TNFRSF10A: variants seen among roughly 807,000 people sequenced by gnomAD.
TNFRSF10A encodes TNF receptor superfamily member 10a.
In TNFRSF10A, 44 loss-of-function variants were observed where a neutral mutation model predicts 42.8. The observed-to-expected ratio is 1.03, with a 90% CI of 0.81 to 1.32. TNFRSF10A has a LOEUF of 1.32. Among genes scored for constraint, TNFRSF10A ranks in the 40% most tolerant of loss-of-function variants. The pLI, the probability that TNFRSF10A is intolerant of heterozygous loss-of-function variation, is 0.00. For missense variants in TNFRSF10A, 680 were observed against 602.0 expected (o/e 1.13, Z -1.36); for synonymous variants, 259 against 234.2 (o/e 1.11, Z -0.97).
At chr8:23,222,661 G>T (rs141559980) in intron 1 of TNFRSF10A, among the ~76,000 whole-genome samples, 1 of 152,178 alleles carries the variant, frequency 6.6e-6, no homozygotes, top group East Asian at 1.9e-4. Flanking sequence ...TGTCTGCTAC[G>T]GGTCCTTTGT....
At chr8:23,199,675 T>G (rs1264963717) in intron 7 of TNFRSF10A, among the ~76,000 whole-genome samples, 2 of 152,080 alleles carry the variant, frequency 1.3e-5, no homozygotes, top group Non-Finnish European at 2.9e-5. Flanking sequence ...TCACCTGGGC[T>G]GTAGGAAGCA....
intron 3 of TNFRSF10A, among the ~76,000 whole-genome samples, chr8:23,202,364 C>G (rs1339591835): frequency 6.6e-6 from 1 of 152,144 alleles, no homozygotes; most frequent in East Asian, 1.9e-4. Flanking sequence ...CAGAGCAGAC[C>G]CGTACCACCG....
chr8:23,214,559 T>G (rs1488393795), intron 1 of TNFRSF10A, among the ~76,000 whole-genome samples: 2 of 152,210 alleles, frequency 1.3e-5, no homozygotes, highest in Non-Finnish European at 2.9e-5. Context: ...CCTTCTGCTA[T>G]TGATTTATAA....
In TNFRSF10A at chr8:23,191,947, CT is replaced by C. The variant is rs1168124971; in HGVS notation, c.1153del (p.Arg385GlyfsTer28). 6.2e-7 allele frequency: 1 copy of C among 1,614,216 alleles called. No homozygotes were observed. ...VPFDSWDQLM[R>X]QLDLTKNEID... ...CTCATTTTTCGTGAGGTCCAGCTGC[CT>C]CATGAGCTGGTCCCAGGAGTCAAAG... On this transcript the variant is annotated frameshift_variant, in exon 10 of 10. Transcript: ENST00000221132. LOFTEE classifies it low-confidence loss of function (END_TRUNC).
rs536076814 is a variant in TNFRSF10A at position 23,223,886 on chromosome 8, G to T, written c.306+870C>A. On this transcript the variant is annotated intron_variant, in intron 1 of 9. Coordinates refer to ENST00000221132, the MANE Select transcript of TNFRSF10A (RefSeq NM_003844.4). ...CCTGCCTCGTGGTGGTCAATTCGCT[G>T]CCCTGTACCTGTTGATGCGCAAGAA... 3.9e-5 allele frequency among the ~76,000 whole-genome samples: 6 copies of T among 152,338 alleles called. No homozygotes were observed. The East Asian group carries it at 1.2e-3, about 29-fold the overall frequency.
Position 23,199,360 on chromosome 8 carries a change from G to C in TNFRSF10A, c.920C>G (p.Ser307Cys). Residue 307 changes from serine to cysteine, a missense_variant, in exon 8 of 10, where the codon TCC becomes TGC. Coordinates refer to ENST00000221132, the MANE Select transcript of TNFRSF10A (RefSeq NM_003844.4). ...CATTTGCTGCTCAGAGACGAAAGTG[G>C]ACAGCGAGTCTGCGTTGCTCAGAAT... ...NEILSNADSLSTFVSEQQMES... is the reference protein window; with the variant it reads ...NEILSNADSLCTFVSEQQMES... 6.2e-7 allele frequency: 1 copy of C among 1,614,198 alleles called. No individual in the cohort carries two copies. Among genetic ancestry groups the C allele is most frequent in the Non-Finnish European group, 8.5e-7 (1 of 1,180,030 alleles).
In TNFRSF10A at chr8:23,224,195, G is replaced by C. The variant is rs529001198; in HGVS notation, c.306+561C>G. Among the ~76,000 whole-genome samples the C allele has an allele frequency of 1.5e-4, 23 of 151,688 alleles. No homozygotes were observed. The South Asian group carries it at 4.8e-3, about 32-fold the overall frequency. On this transcript the variant is annotated intron_variant, in intron 1 of 9. Coordinates refer to ENST00000221132, the MANE Select transcript of TNFRSF10A (RefSeq NM_003844.4). Reference sequence around the variant, plus strand: ...GGAGCCTGTACTCCCAGCTACTCGGGAGGCTGAGGCAGGAGAATCGCTTGA... The same window carrying C: ...GGAGCCTGTACTCCCAGCTACTCGGCAGGCTGAGGCAGGAGAATCGCTTGA...
chr8:23,214,381 G>C (rs1178440446), intron 1 of TNFRSF10A, among the ~76,000 whole-genome samples: 1 of 151,808 alleles, frequency 6.6e-6, no homozygotes. Flanking sequence ...CCAGCTACAC[G>C]GGAGGCTGAG....
chr8:23,207,011 T>G, intron 2 of TNFRSF10A: 1 of 409,316 alleles, frequency 2.4e-6, no homozygotes, highest in Non-Finnish European at 4.6e-6. Flanking sequence ...TAGAAAGGTG[T>G]CCACTGCCAT....
intron 6 of TNFRSF10A, 139 bp downstream of exon 6, chr8:23,200,366 G>A (rs1217872252): frequency 1.1e-6 from 1 of 915,280 alleles, no homozygotes; most frequent in South Asian, 1.5e-5. Flanking sequence ...ATGGGAGGAT[G>A]GGGGGTGATC....
At chr8:23,223,251 G>C in intron 1 of TNFRSF10A, among the ~76,000 whole-genome samples, 1 of 152,056 alleles carries the variant, frequency 6.6e-6, no homozygotes, top group East Asian at 1.9e-4. Context: ...ATTTTTAATA[G>C]AGACGGGGTT....
intron 9 of TNFRSF10A, among the ~76,000 whole-genome samples, chr8:23,194,087 A>G (rs570974922): frequency 6.6e-6 from 1 of 152,344 alleles, no homozygotes; most frequent in Non-Finnish European, 1.5e-5. Flanking sequence ...TCACTGAATT[A>G]TCTATTGGAG....
At chr8:23,207,655 G>T (rs1021009819) in intron 2 of TNFRSF10A, among the ~76,000 whole-genome samples, 5 of 152,118 alleles carry the variant, frequency 3.3e-5, no homozygotes, top group African/African-American at 9.7e-5. Context: ...AATCATGTGG[G>T]GCAGGTCTTT....
chr8:23,224,928 A>C lies in TNFRSF10A; in HGVS notation c.134T>G (p.Ile45Ser). ...SKVWGSSAGRIEPRGGGRGAL... is the reference protein window; with the variant it reads ...SKVWGSSAGRSEPRGGGRGAL... ...TCCTCGGCCCCCGCCTCGTGGTTCA[A>C]TCCTCCCCGCGGAAGAGCCCCACAC... Residue 45 changes from isoleucine (I) to serine (S), a missense_variant, in exon 1 of 10, where the codon ATT (isoleucine) becomes AGT (serine). Ile to Ser is a moderately radical substitution (Grantham distance 142, BLOSUM62 -2). Coordinates refer to ENST00000221132, the MANE Select transcript of TNFRSF10A (RefSeq NM_003844.4). The C allele has an allele frequency of 6.3e-7, 1 of 1,599,336 alleles. No individual in the cohort carries two copies. Among genetic ancestry groups the C allele is most frequent in the Non-Finnish European group, 8.5e-7 (1 of 1,173,350 alleles).
intron 2 of TNFRSF10A, among the ~76,000 whole-genome samples, chr8:23,205,831 C>T (rs935008885): frequency 6.6e-6 from 1 of 151,634 alleles, no homozygotes; most frequent in Non-Finnish European, 1.5e-5. Flanking sequence ...CTGCCTCAGC[C>T]TCAGCCTCCC....
intron 1 of TNFRSF10A, among the ~76,000 whole-genome samples, chr8:23,217,614 G>A (rs1801202065): frequency 6.6e-6 from 1 of 152,150 alleles, no homozygotes; most frequent in South Asian, 2.1e-4. Context: ...TCTGGACCTG[G>A]ACAGTGCTCA....
intron 1 of TNFRSF10A, among the ~76,000 whole-genome samples, chr8:23,215,543 T>C (rs201624320): frequency 2.4e-4 from 37 of 151,678 alleles, no homozygotes; most frequent in East Asian, 1.2e-3. Context: ...AATAAATAAA[T>C]AAACAAACAA....
At position 23,224,818 on chromosome 8, in the gene TNFRSF10A, C is replaced by T; in HGVS notation, c.244G>A (p.Ala82Thr). The change falls in exon 1 of 10, where the codon GCC becomes ACC. Residue 82 changes from alanine to threonine, a missense_variant. Transcript: ENST00000221132. The part of the protein sequence containing the change: ...RAPGPRPARE[A>T]SPRLRVHKTF... ...TTGTGGACCCGGAGCCGAGGGCTGG[C>T]TTCCCGCGCCGGCCTGGGTCCTGGG... The T allele has an allele frequency of 6.4e-7, 1 of 1,565,986 alleles. No individual in the cohort carries two copies. Among genetic ancestry groups the T allele is most frequent in the Non-Finnish European group, 8.7e-7 (1 of 1,155,594 alleles).
chr8:23,207,875 T>A (rs1801039696), intron 2 of TNFRSF10A, among the ~76,000 whole-genome samples: 1 of 150,820 alleles, frequency 6.6e-6, no homozygotes, highest in Non-Finnish European at 1.5e-5. Context: ...TTGCCCAGTC[T>A]TGGGAATGTC....
Sources: allele counts gnomAD v4.1 joint callset (sites outside exome capture counted in the v4.1 genomes callset), GRCh38; gene constraint gnomAD v4.1.1; transcripts MANE v1.5; gene names NCBI Gene and HGNC (gene_info 2026-07-23, HGNC 2026-07-21).